Variants in CPNE4 observed in about 807,000 individuals in gnomAD.
The protein encoded by CPNE4 is copine 4, also known as copine-4.
A neutral mutation model predicts 67.9 loss-of-function variants in CPNE4; 25 were observed. The observed-to-expected ratio is 0.37, with a 90% CI of 0.27 to 0.51. The LOEUF (loss-of-function observed/expected upper bound fraction) is 0.51, where lower values mean the gene tolerates loss of function less well. Among genes scored for constraint, CPNE4 ranks in the 20% least tolerant of loss-of-function variants. The pLI is 0.93. For synonymous variants in CPNE4, 242 were observed against 244.9 expected (o/e 0.99, Z 0.11); for missense variants, 464 against 690.8 (o/e 0.67, Z 3.68).
chr3:131,897,692 T>C (rs565729571), intron 2 of CPNE4, among the ~76,000 whole-genome samples: 1 of 152,188 alleles, frequency 6.6e-6, no homozygotes, highest in South Asian at 2.1e-4. Flanking sequence ...GGCCAGGAGT[T>C]TGAGACCAGC....
At chr3:131,908,382 G>C (rs2088847020) in intron 1 of CPNE4, among the ~76,000 whole-genome samples, 1 of 152,182 alleles carries the variant, frequency 6.6e-6, no homozygotes, top group African/African-American at 2.4e-5. Context: ...CTGGTGGAAA[G>C]ATGGCTTTGT....
At chr3:131,822,029 T>C (rs558231539) in intron 2 of CPNE4, among the ~76,000 whole-genome samples, 2 of 152,268 alleles carry the variant, frequency 1.3e-5, no homozygotes, top group African/African-American at 4.8e-5. Flanking sequence ...TCTTGGGAGA[T>C]TGCTTACATA....
chr3:131,693,225 G>T (rs2081070196), intron 5 of CPNE4, among the ~76,000 whole-genome samples: 1 of 151,954 alleles, frequency 6.6e-6, no homozygotes, highest in Admixed American at 6.6e-5. Context: ...CCTATAACAG[G>T]GGTTCTCAAA....
chr3:131,758,404 C>T (rs987764261), intron 2 of CPNE4, among the ~76,000 whole-genome samples: 2 of 152,216 alleles, frequency 1.3e-5, no homozygotes, highest in African/African-American at 4.8e-5. Flanking sequence ...GACCCTGTAA[C>T]GTCTTGTTTT....
At chr3:132,013,442 T>A (rs1455844714) in intron 1 of CPNE4, among the ~76,000 whole-genome samples, 1 of 152,312 alleles carries the variant, frequency 6.6e-6, no homozygotes, top group South Asian at 2.1e-4. Flanking sequence ...CCTCTGCTCA[T>A]CCGTAACCAA....
intron 1 of CPNE4, among the ~76,000 whole-genome samples, chr3:131,997,385 G>A (rs961526736): frequency 1.3e-5 from 2 of 152,058 alleles, no homozygotes; most frequent in African/African-American, 4.8e-5. Context: ...ACAAAAAGGG[G>A]ACTCCTGAGA....
intron 2 of CPNE4, among the ~76,000 whole-genome samples, chr3:131,756,054 T>C (rs1164443354): frequency 6.6e-6 from 1 of 152,020 alleles, no homozygotes; most frequent in Non-Finnish European, 1.5e-5. Flanking sequence ...ATGCCAAGTG[T>C]TAAGCTAGGG....
intron 2 of CPNE4, among the ~76,000 whole-genome samples, chr3:131,879,572 A>G (rs951666912): frequency 6.6e-6 from 1 of 151,994 alleles, no homozygotes; most frequent in Non-Finnish European, 1.5e-5. Context: ...ACTGAGTGCT[A>G]TTGAACACCA....
intron 6 of CPNE4, among the ~76,000 whole-genome samples, chr3:131,682,017 GCTTCTGAATTC>G (rs1169181252): frequency 6.6e-6 from 1 of 151,674 alleles, no homozygotes; most frequent in African/African-American, 2.4e-5. Context: ...TATTTGATAG[GCTTCTGAATTC>G]CTTCTCTGTG....
At chr3:131,687,110 C>T (rs2107682423) in intron 5 of CPNE4, among the ~76,000 whole-genome samples, 1 of 149,224 alleles carries the variant, frequency 6.7e-6, no homozygotes, top group East Asian at 2.0e-4. Context: ...TTTCTTGGCC[C>T]CTCAAATCTA....
chr3:131,941,395 C>T (rs955719750), intron 1 of CPNE4, among the ~76,000 whole-genome samples: 9 of 151,128 alleles, frequency 6.0e-5, no homozygotes, highest in East Asian at 2.0e-4. Flanking sequence ...TCAGCAATAG[C>T]GGGGAAATTT....
intron 2 of CPNE4, among the ~76,000 whole-genome samples, chr3:131,882,137 T>TAC (rs35615774): frequency 0.079 from 11,861 of 150,728 alleles, 455 homozygotes; most frequent in East Asian, 0.1. Flanking sequence ...TCAGTTCTAA[T>TAC]ACACACACAC....
intron 2 of CPNE4, among the ~76,000 whole-genome samples, chr3:131,852,843 TA>T (rs1221095395): frequency 6.6e-6 from 1 of 151,374 alleles, no homozygotes. Flanking sequence ...TTTTTAATAA[TA>T]ATACAAAAAT....
chr3:131,571,450 C>T (rs536895721), intron 10 of CPNE4, among the ~76,000 whole-genome samples: 10 of 152,184 alleles, frequency 6.6e-5, no homozygotes, highest in East Asian at 1.9e-4. Context: ...GTACCTCTGA[C>T]GTGTCCAAAG....
At chr3:131,678,114 T>C (rs187707911) in intron 6 of CPNE4, among the ~76,000 whole-genome samples, 47 of 152,276 alleles carry the variant, frequency 3.1e-4, no homozygotes, top group African/African-American at 1.1e-3. Flanking sequence ...CTTTGAGTAG[T>C]GGTTTGTAGT....
chr3:131,610,245 T>A (rs1346440702), intron 7 of CPNE4, among the ~76,000 whole-genome samples: 1 of 152,164 alleles, frequency 6.6e-6, no homozygotes, highest in Non-Finnish European at 1.5e-5. Context: ...GAAACACAGA[T>A]AAGTAACTAA....
chr3:131,619,491 C>G (rs1362984690), intron 7 of CPNE4, among the ~76,000 whole-genome samples: 1 of 152,184 alleles, frequency 6.6e-6, no homozygotes, highest in East Asian at 1.9e-4. Context: ...TTATTGAACT[C>G]TGGGCTTTGT....
chr3:131,738,102 T>C (rs1213115488), intron 2 of CPNE4, among the ~76,000 whole-genome samples: 1 of 152,266 alleles, frequency 6.6e-6, no homozygotes. Context: ...CCATTCATTC[T>C]GCTGAAATCC....
At chr3:131,639,980 G>A (rs2079498340) in intron 7 of CPNE4, among the ~76,000 whole-genome samples, 1 of 151,852 alleles carries the variant, frequency 6.6e-6, no homozygotes, top group Non-Finnish European at 1.5e-5. Context: ...TAAAACCCTT[G>A]GCAAAAGCAG....
Sources: gnomAD v4.1 joint callset for allele counts (sites outside exome capture counted in the v4.1 genomes callset) on GRCh38, gnomAD v4.1.1 for gene constraint, MANE v1.5 for transcripts, NCBI Gene and HGNC (gene_info 2026-07-23, HGNC 2026-07-21) for gene names.